PDE1C: variants seen among roughly 807,000 people sequenced by gnomAD.
PDE1C encodes the protein phosphodiesterase 1C.
PDE1C carries 62 observed loss-of-function variants against 93.1 expected under a neutral mutation model. The observed-to-expected ratio is 0.67, with a 90% CI of 0.54 to 0.82. PDE1C has a LOEUF of 0.82. Among genes scored for constraint, PDE1C ranks in the 40% least tolerant of loss-of-function variants. The pLI, the probability that PDE1C is intolerant of heterozygous loss-of-function variation, is 0.00. For synonymous variants in PDE1C, 325 were observed against 310.1 expected (o/e 1.05, Z -0.50); for missense variants, 742 against 884.6 (o/e 0.84, Z 2.04).
chr7:32,090,845 C>T (rs757785), intron 3 of PDE1C, among the ~76,000 whole-genome samples: 95,362 of 152,152 alleles, frequency 0.63, 30,247 homozygotes, highest in African/African-American at 0.71. Context: ...AGTTCAATGA[C>T]GTGCAAGCCA....
At chr7:32,186,171 C>T (rs1584925781) in intron 2 of PDE1C, among the ~76,000 whole-genome samples, 1 of 148,560 alleles carries the variant, frequency 6.7e-6, no homozygotes. Flanking sequence ...GGCGCAATCT[C>T]GGCTCACTGC....
chr7:31,880,793 C>T lies in PDE1C; in HGVS notation c.196G>A (p.Glu66Lys). The T allele has an allele frequency of 1.9e-6, 3 of 1,612,008 alleles. No homozygotes were observed. The highest frequency in any genetic ancestry group is 2.2e-5 in the South Asian group (2 of 91,030). ...GATTCAAGCACTGTGGCTGCATATTCCAAATTCTTCTTAAGATCTACCACT... is the reference window on the plus strand; with the variant it reads ...GATTCAAGCACTGTGGCTGCATATTTCAAATTCTTCTTAAGATCTACCACT... ...ASVVDLKKNL[E>K]YAATVLESVY... The change falls in exon 3 of 18, where the codon GAA becomes AAA. Residue 66 changes from glutamate (E) to lysine (K), a missense_variant. Glu to Lys is a moderately conservative substitution (Grantham distance 56). Transcript: ENST00000396191.
intron 2 of PDE1C, among the ~76,000 whole-genome samples, chr7:31,976,885 C>T (rs1811740543): frequency 6.6e-6 from 1 of 152,178 alleles, no homozygotes. Context: ...CTGACCAATT[C>T]ATATGCTCAA....
At chr7:32,063,835 CT>C (rs1189896412) in intron 1 of PDE1C, among the ~76,000 whole-genome samples, 1 of 152,196 alleles carries the variant, frequency 6.6e-6, no homozygotes, top group Non-Finnish European at 1.5e-5. Flanking sequence ...TTATTGCCCT[CT>C]TTTTTGTTGT....
At chr7:31,845,697 A>T (rs1792483228) in intron 9 of PDE1C, among the ~76,000 whole-genome samples, 1 of 152,168 alleles carries the variant, frequency 6.6e-6, no homozygotes, top group Admixed American at 6.6e-5. Context: ...TTTGAAAAAA[A>T]TAATAAAAGG....
At chr7:32,338,420 ATATCAC>A (rs1020308159) in intron 1 of PDE1C, among the ~76,000 whole-genome samples, 1 of 152,216 alleles carries the variant, frequency 6.6e-6, no homozygotes, top group African/African-American at 2.4e-5. Flanking sequence ...CCCCAATAAG[ATATCAC>A]TACACACTCA....
At chr7:32,098,651 T>C (rs1182476401) in intron 3 of PDE1C, among the ~76,000 whole-genome samples, 1 of 152,176 alleles carries the variant, frequency 6.6e-6, no homozygotes, top group African/African-American at 2.4e-5. Context: ...GTTGGAGATA[T>C]TTAGCTGAAC....
chr7:31,969,326 G>A (rs1584256348), intron 2 of PDE1C, among the ~76,000 whole-genome samples: 1 of 152,266 alleles, frequency 6.6e-6, no homozygotes, highest in Non-Finnish European at 1.5e-5. Context: ...CAAAAAATGG[G>A]TGAAGGATAT....
chr7:31,885,421 G>A (rs1425590128), intron 2 of PDE1C, among the ~76,000 whole-genome samples: 1 of 152,186 alleles, frequency 6.6e-6, no homozygotes, highest in Non-Finnish European at 1.5e-5. Context: ...CAATTTCATT[G>A]TGGATGAGCC....
At chr7:32,178,667 C>A (rs1441435707) in intron 2 of PDE1C, among the ~76,000 whole-genome samples, 5 of 152,144 alleles carry the variant, frequency 3.3e-5, no homozygotes, top group Non-Finnish European at 5.9e-5. Flanking sequence ...TCACTCCCCT[C>A]CCCAACCTTC....
intron 15 of PDE1C, among the ~76,000 whole-genome samples, chr7:31,815,367 T>C (rs1198836966): frequency 6.6e-6 from 1 of 152,154 alleles, no homozygotes; most frequent in African/African-American, 2.4e-5. Flanking sequence ...AATCAATAAC[T>C]ATATGCACAC....
intron 1 of PDE1C, among the ~76,000 whole-genome samples, chr7:32,397,803 C>T (rs934807809): frequency 6.6e-6 from 1 of 151,394 alleles, no homozygotes; most frequent in Non-Finnish European, 1.5e-5. Flanking sequence ...ATCATGAGGT[C>T]AGAGTTCGAG....
chr7:32,096,713 T>C (rs1797763860), intron 3 of PDE1C, among the ~76,000 whole-genome samples: 1 of 152,188 alleles, frequency 6.6e-6, no homozygotes, highest in Admixed American at 6.5e-5. Context: ...TATGTTTTAT[T>C]TATATAGAAG....
intron 9 of PDE1C, among the ~76,000 whole-genome samples, chr7:31,841,124 CTAAG>C (rs1406415333): frequency 1.3e-5 from 2 of 151,568 alleles, no homozygotes; most frequent in South Asian, 4.2e-4. Context: ...AAAGCTACTA[CTAAG>C]TATTTTATAT....
chr7:32,129,132 C>T (rs1463422870), intron 3 of PDE1C, among the ~76,000 whole-genome samples: 1 of 150,572 alleles, frequency 6.6e-6, no homozygotes, highest in Non-Finnish European at 1.5e-5. Flanking sequence ...CCTCTTATAC[C>T]TTGAAAAAAC....
intron 2 of PDE1C, among the ~76,000 whole-genome samples, chr7:31,965,608 G>T (rs1025632473): frequency 5.9e-5 from 9 of 152,042 alleles, no homozygotes. Flanking sequence ...ATACAGAGAA[G>T]GCCACAAAGA....
Position 32,172,770 on chromosome 7 carries a change from C to T in PDE1C, c.137-2814G>A, listed in dbSNP as rs1273710233. ...CCAGGATGCAGAGGTTGCAGTGAGC[C>T]GAGATGGTGCCATTGCACTCCAGCC... On this transcript the variant is annotated intron_variant, in intron 2 of 18. Transcript: ENST00000396193. Among the ~76,000 whole-genome samples the T allele has an allele frequency of 4.7e-5, 7 of 147,688 alleles. 1 individual carries two copies. The South Asian group carries it at 1.5e-3, about 32-fold the overall frequency.
chr7:31,772,082 G>T (rs1306476909), intron 17 of PDE1C, among the ~76,000 whole-genome samples: 6 of 151,914 alleles, frequency 3.9e-5, no homozygotes, highest in Admixed American at 3.9e-4. Context: ...TGGGTTTTGG[G>T]TTCTTTCTCT....
chr7:32,044,934 C>T (rs779006518), intron 2 of PDE1C, among the ~76,000 whole-genome samples: 7 of 152,060 alleles, frequency 4.6e-5, no homozygotes, highest in Non-Finnish European at 7.4e-5. Context: ...ACTACCCAGA[C>T]GAAGTGCCTG....
Sources: gnomAD v4.1 joint callset for allele counts (sites outside exome capture counted in the v4.1 genomes callset) on GRCh38, gnomAD v4.1.1 for gene constraint, MANE v1.5 for transcripts, NCBI Gene and HGNC (gene_info 2026-07-23, HGNC 2026-07-21) for gene names.